TBC1D16: variants seen among roughly 807,000 people sequenced by gnomAD.
The protein encoded by TBC1D16 is CTD-2529O21.1.
In TBC1D16, 58 loss-of-function variants were observed where a neutral mutation model predicts 74.7. That is an observed-to-expected ratio of 0.78 (90% confidence interval 0.63 to 0.97). The LOEUF is 0.97. Ranked by LOEUF, TBC1D16 falls within the 50% of genes least tolerant of loss-of-function variation. The pLI is 0.00. For missense variants in TBC1D16, 1,014 were observed against 1,079.5 expected (o/e 0.94, Z 0.85); for synonymous variants, 493 against 474.7 (o/e 1.04, Z -0.50).
At chr17:79,965,270 C>T (rs891203476) in intron 3 of TBC1D16, among the ~76,000 whole-genome samples, 4 of 151,890 alleles carry the variant, frequency 2.6e-5, no homozygotes, top group African/African-American at 9.7e-5. Flanking sequence ...TTAGTAGAGA[C>T]AGGGTTTCAC....
intron 1 of TBC1D16, chr17:80,023,799 G>C (rs1490233947): frequency 6.7e-6 from 1 of 150,152 alleles, no homozygotes; most frequent in Non-Finnish European, 1.5e-5. Context: ...CCACCTCCCA[G>C]GCCCAGCTGG....
intron 3 of TBC1D16, among the ~76,000 whole-genome samples, chr17:79,974,306 T>C (rs1369737501): frequency 1.3e-5 from 2 of 152,170 alleles, no homozygotes; most frequent in Non-Finnish European, 2.9e-5. Flanking sequence ...TGGTGCAATC[T>C]CGGTTCACTG....
intron 3 of TBC1D16, among the ~76,000 whole-genome samples, chr17:79,968,061 C>T (rs953013502): frequency 6.6e-6 from 1 of 151,332 alleles, no homozygotes; most frequent in Non-Finnish European, 1.5e-5. Context: ...GGCGAGATCT[C>T]GGCTCACTGC....
In TBC1D16 at chr17:79,988,124, G is replaced by C. The variant is rs532703665; in HGVS notation, c.779+22036C>G. 1.2e-4 allele frequency among the ~76,000 whole-genome samples: 18 copies of C among 152,342 alleles called. No individual in the cohort carries two copies. The South Asian group carries it at 3.1e-3, about 26-fold the overall frequency. The stretch of plus-strand genomic sequence containing the variant: ...AAAGCGTGTGTGTGTTTAGAAGGGA[G>C]AGGGGGATGATAGCACGTCCTGCCA... On this transcript the variant is annotated intron_variant, in intron 3 of 11. Transcript: ENST00000310924. The surrounding 1 kb of genome is among the most constrained non-coding windows in gnomAD (Gnocchi z 5.7).
intron 3 of TBC1D16, among the ~76,000 whole-genome samples, chr17:79,960,740 G>T (rs963950643): frequency 8.0e-6 from 1 of 125,694 alleles, no homozygotes; most frequent in Non-Finnish European, 1.6e-5. Flanking sequence ...GAGCGACAGA[G>T]TGAGACTCTG....
rs11150827 is a variant in TBC1D16, at chr17:79,994,285, G to C, written c.779+15875C>G. Among the ~76,000 whole-genome samples, 19 of 150,032 alleles carry C rather than the reference G, an allele frequency of 1.3e-4. No homozygotes were observed. In the East Asian group the frequency reaches 3.3e-3, roughly 26 times the overall value. On this transcript the variant is annotated intron_variant, in intron 3 of 11. Transcript: ENST00000310924. This position sits in a 1 kb window ranked among gnomAD's most constrained non-coding sequence, Gnocchi z 4.6. ...ACTTCTAGAATCCCAGCTCAGGGCC[G>C]GGGGGGTGCCAGGGCTGTGAACCCC...
At chr17:80,021,896 AC>A (rs1255804837) in intron 1 of TBC1D16, among the ~76,000 whole-genome samples, 1 of 150,670 alleles carries the variant, frequency 6.6e-6, no homozygotes, top group Non-Finnish European at 1.5e-5. Flanking sequence ...ACAAACACAC[AC>A]CATGACACAC....
chr17:80,016,849 T>C (rs1258264768), intron 1 of TBC1D16, among the ~76,000 whole-genome samples: 2 of 152,304 alleles, frequency 1.3e-5, no homozygotes, highest in South Asian at 2.1e-4. Context: ...ATTCCAAAGA[T>C]GTTCCAGCCA....
chr17:79,953,568 CTGAGA>C (rs1321806139), intron 3 of TBC1D16, among the ~76,000 whole-genome samples: 2 of 152,180 alleles, frequency 1.3e-5, no homozygotes, highest in African/African-American at 4.8e-5. Flanking sequence ...AGTGGTAGAG[CTGAGA>C]TTAGAACCCA....
chr17:79,958,124 A>C (rs2033424382), intron 3 of TBC1D16, among the ~76,000 whole-genome samples: 1 of 152,142 alleles, frequency 6.6e-6, no homozygotes, highest in Admixed American at 6.5e-5. Context: ...AATTGGCATC[A>C]ATTAACAAAT....
chr17:79,947,802 T>C lies in TBC1D16; in HGVS notation c.1571A>G (p.Asn524Ser). ...CCCTTGGGAATAGCCGACGGCAGGGTTGTACACGGCGTAGTTCAGCAGGAT... is the reference window on the plus strand; with the variant it reads ...CCCTTGGGAATAGCCGACGGCAGGGCTGTACACGGCGTAGTTCAGCAGGAT... Reference protein sequence around the residue: ...RRILLNYAVYNPAVGYSQGMS... With the variant: ...RRILLNYAVYSPAVGYSQGMS... Residue 524 changes from asparagine to serine, a missense_variant, in exon 9 of 12, where the codon AAC (asparagine) becomes AGC (serine). Coordinates refer to ENST00000310924, the MANE Select transcript of TBC1D16 (RefSeq NM_019020.4). The C allele has an allele frequency of 6.2e-7, 1 of 1,613,568 alleles. No homozygotes were observed. Among genetic ancestry groups the C allele is most frequent in the Non-Finnish European group, 8.5e-7 (1 of 1,179,996 alleles).
In TBC1D16 at chr17:79,979,955, G is replaced by A. The variant is rs1429937845; in HGVS notation, c.780-27137C>T. ...TCCAGGTCCCAGACACATCCATTAT[G>A]GCCAAACACAAGAAGCCCTCAGGCC... On this transcript the variant is annotated intron_variant, in intron 3 of 11. Transcript: ENST00000310924. This position sits in a 1 kb window ranked among gnomAD's most constrained non-coding sequence, Gnocchi z 4.8. 6.6e-6 allele frequency among the ~76,000 whole-genome samples: 1 copy of A among 152,082 alleles called. No homozygotes were observed. Among genetic ancestry groups the A allele is most frequent in the Admixed American group, 6.5e-5 (1 of 15,272 alleles).
At chr17:79,960,808 A>AAAAAAAAAAAAAAAAAAC (rs2033575314) in intron 3 of TBC1D16, among the ~76,000 whole-genome samples, 2 of 139,534 alleles carry the variant, frequency 1.4e-5, no homozygotes, top group African/African-American at 5.5e-5. Context: ...AAAAAAAAAA[A>AAAAAAAAAAAAAAAAAAC]ACGAAGGAAT....
In TBC1D16 at chr17:79,983,453, C is replaced by A. The variant is rs2034676474; in HGVS notation, c.779+26707G>T. On this transcript the variant is annotated intron_variant, in intron 3 of 11. Coordinates refer to ENST00000310924, the MANE Select transcript of TBC1D16 (RefSeq NM_019020.4). This position sits in a 1 kb window ranked among gnomAD's most constrained non-coding sequence, Gnocchi z 5.6. ...AAAAACCCAAACTAAACCACATGGT[C>A]ATCAACAGGAGTGTGGACAACCTGG... is the stretch of plus-strand genomic sequence containing the variant. Among the ~76,000 whole-genome samples the A allele has an allele frequency of 6.6e-6, 1 of 152,190 alleles. No individual in the cohort carries two copies. The highest frequency in any genetic ancestry group is 2.1e-4 in the South Asian group (1 of 4,826).
At chr17:79,955,272 C>T (rs1272900180) in intron 3 of TBC1D16, among the ~76,000 whole-genome samples, 1 of 152,046 alleles carries the variant, frequency 6.6e-6, no homozygotes, top group Non-Finnish European at 1.5e-5. Context: ...TGGCAGGTAC[C>T]CCAGGCCCTG....
Position 79,944,779 on chromosome 17 carries a change from C to T in TBC1D16, c.1908+129G>A, listed in dbSNP as rs746083676. On this transcript the variant is annotated intron_variant, in intron 10 of 11. Coordinates refer to ENST00000310924, the MANE Select transcript of TBC1D16 (RefSeq NM_019020.4). This position sits in a 1 kb window ranked among gnomAD's most constrained non-coding sequence, Gnocchi z 7.7. The stretch of plus-strand genomic sequence containing the variant: ...CCACGTGGGACGGGAAGGCAGTCGC[C>T]GTATGGGGGGCTAATGTGTGGCTGT... The T allele has an allele frequency of 7.0e-5, 60 of 852,764 alleles. No homozygotes were observed. Among genetic ancestry groups the T allele is most frequent in the Non-Finnish European group, 9.7e-5 (55 of 569,774 alleles). 52.8% of individuals were successfully genotyped at this position (852,764 alleles called of 1,614,324 possible).
Position 79,990,793 on chromosome 17 carries a change from T to C in TBC1D16, c.779+19367A>G, listed in dbSNP as rs2035028371. Among the ~76,000 whole-genome samples, 1 of 152,186 alleles carries C rather than the reference T, an allele frequency of 6.6e-6. No homozygotes were observed. The highest frequency in any genetic ancestry group is 1.5e-5 in the Non-Finnish European group (1 of 68,040). On this transcript the variant is annotated intron_variant, in intron 3 of 11. Transcript: ENST00000310924. This position sits in a 1 kb window ranked among gnomAD's most constrained non-coding sequence, Gnocchi z 4.8. ...CCCCTGGCACCCCAATCTTTCCCTC[T>C]CTGAGCCTGACAACTCCAGGGGTCG...
At chr17:80,029,351 G>C (rs1598453161) in intron 1 of TBC1D16, among the ~76,000 whole-genome samples, 1 of 152,160 alleles carries the variant, frequency 6.6e-6, no homozygotes, top group South Asian at 2.1e-4. Flanking sequence ...ATGCTGTTGG[G>C]AACTGGCCAG....
chr17:80,004,828 C>T (rs2035616351), intron 3 of TBC1D16, among the ~76,000 whole-genome samples: 1 of 152,214 alleles, frequency 6.6e-6, no homozygotes, highest in African/African-American at 2.4e-5. Context: ...GCATGTGCCA[C>T]CATGCTGAAC....
Sources: gnomAD v4.1 joint callset for allele counts (sites outside exome capture counted in the v4.1 genomes callset) on GRCh38, gnomAD v4.1.1 for gene constraint, Gnocchi (gnomAD v3.1) non-coding constraint, MANE v1.5 for transcripts, NCBI Gene and HGNC (gene_info 2026-07-23, HGNC 2026-07-21) for gene names.